PARD3B: variants seen among roughly 807,000 people sequenced by gnomAD.
PARD3B encodes partitioning defective 3 homolog B.
PARD3B carries 103 observed loss-of-function variants against 130.2 expected under a neutral mutation model. That is an observed-to-expected ratio of 0.79 (90% CI 0.67 to 0.93). The LOEUF is 0.93. Ranked by LOEUF, PARD3B falls within the 40% of genes least tolerant of loss-of-function variation. PARD3B has a pLI of 0.00. For synonymous variants in PARD3B, 583 were observed against 553.2 expected (o/e 1.05, Z -0.76); for missense variants, 1,609 against 1,499.2 (o/e 1.07, Z -1.21).
chr2:205,247,357 C>CTT (rs2039615365), intron 16 of PARD3B, among the ~76,000 whole-genome samples: 1 of 152,056 alleles, frequency 6.6e-6, no homozygotes, highest in Non-Finnish European at 1.5e-5. Context: ...AATGATCTGT[C>CTT]TTTACATAGT....
chr2:204,876,398 C>G (rs909284726), intron 2 of PARD3B, among the ~76,000 whole-genome samples: 92 of 152,154 alleles, frequency 6.0e-4, no homozygotes, highest in African/African-American at 2.1e-3. Context: ...AATTTTTCCA[C>G]TGTTCATCAT....
intron 4 of PARD3B, among the ~76,000 whole-genome samples, chr2:205,084,335 G>C (rs1240731997): frequency 1.3e-5 from 2 of 152,028 alleles, no homozygotes; most frequent in South Asian, 2.1e-4. Flanking sequence ...ATTTTCTGTA[G>C]TTAGATCTAG....
chr2:205,150,566 G>A (rs2033685381), intron 10 of PARD3B, among the ~76,000 whole-genome samples: 1 of 152,128 alleles, frequency 6.6e-6, no homozygotes, highest in Non-Finnish European at 1.5e-5. Context: ...GTTAACTACT[G>A]TAATGGTTTC....
chr2:204,595,397 A>G (rs1185288418), intron 1 of PARD3B, among the ~76,000 whole-genome samples: 3 of 152,220 alleles, frequency 2.0e-5, no homozygotes, highest in African/African-American at 4.8e-5. Context: ...GATGGGCACC[A>G]TAGGAAATAG....
At chr2:205,355,342 AT>A (rs2044153548) in intron 18 of PARD3B, among the ~76,000 whole-genome samples, 1 of 152,246 alleles carries the variant, frequency 6.6e-6, no homozygotes, top group Non-Finnish European at 1.5e-5. Context: ...GTTTTGAACC[AT>A]GATGCATTTG....
In PARD3B at chr2:205,288,937, G is replaced by A. The variant is rs1272983565; in HGVS notation, c.2186-11593G>A. On this transcript the variant is annotated intron_variant, in intron 16 of 22. Coordinates refer to ENST00000406610, the MANE Select transcript of PARD3B (RefSeq NM_001302769.2). The surrounding 1 kb of genome is among the most constrained non-coding windows in gnomAD (Gnocchi z 4.0). ...TGTCAGCATTCTTGGTACGTGGTTTGCAGAGATACCTGCTGGCCAGTGATC... is the reference window on the plus strand; with the variant it reads ...TGTCAGCATTCTTGGTACGTGGTTTACAGAGATACCTGCTGGCCAGTGATC... Among the ~76,000 whole-genome samples, 1 of 152,172 alleles carries A rather than the reference G, an allele frequency of 6.6e-6. No homozygotes were observed. The highest frequency in any genetic ancestry group is 2.4e-5 in the African/African-American group (1 of 41,424).
intron 3 of PARD3B, among the ~76,000 whole-genome samples, chr2:205,022,347 TTTC>T (rs1696680742): frequency 6.6e-6 from 1 of 152,216 alleles, no homozygotes; most frequent in African/African-American, 2.4e-5. Context: ...CCATTCAAAT[TTTC>T]TTACAAATGA....
intron 2 of PARD3B, among the ~76,000 whole-genome samples, chr2:204,783,671 C>T (rs192788780): frequency 5.0e-4 from 76 of 152,204 alleles, no homozygotes; most frequent in African/African-American, 1.4e-3. Flanking sequence ...CATTTAGGGA[C>T]AACCTACTTT....
intron 4 of PARD3B, among the ~76,000 whole-genome samples, chr2:205,062,047 A>G (rs1398739651): frequency 1.3e-5 from 2 of 151,906 alleles, no homozygotes; most frequent in Non-Finnish European, 1.5e-5. Context: ...ACGCTTCTCT[A>G]ATTTGCTAGT....
intron 5 of PARD3B, among the ~76,000 whole-genome samples, chr2:205,108,980 G>A (rs545645787): frequency 3.6e-4 from 55 of 151,656 alleles, no homozygotes; most frequent in Non-Finnish European, 6.9e-4. Flanking sequence ...TGCATTCACC[G>A]AGAATCTACT....
At chr2:205,009,332 C>T (rs1037801871) in intron 3 of PARD3B, among the ~76,000 whole-genome samples, 1 of 151,998 alleles carries the variant, frequency 6.6e-6, no homozygotes, top group Non-Finnish European at 1.5e-5. Context: ...AAAAACATAC[C>T]AAGAAAGTAT....
chr2:205,133,607 A>C (rs145763792), intron 10 of PARD3B, among the ~76,000 whole-genome samples: 222 of 152,350 alleles, frequency 1.5e-3, no homozygotes, highest in African/African-American at 5.2e-3. Flanking sequence ...TCAGTGATCA[A>C]ATTTTCAACT....
intron 2 of PARD3B, among the ~76,000 whole-genome samples, chr2:204,805,066 TGAAAA>T (rs2042716603): frequency 6.6e-6 from 1 of 151,250 alleles, no homozygotes; most frequent in South Asian, 2.1e-4. Context: ...ATAAATTAGA[TGAAAA>T]GAAATAATAA....
chr2:205,251,164 T>C (rs1476697220), intron 16 of PARD3B, among the ~76,000 whole-genome samples: 1 of 152,110 alleles, frequency 6.6e-6, no homozygotes, highest in Non-Finnish European at 1.5e-5. Context: ...AGGAACACAA[T>C]AGCTTTAATT....
In PARD3B at chr2:205,585,007, C is replaced by T. The variant is rs1409017454; in HGVS notation, c.3261-30449C>T. On this transcript the variant is annotated intron_variant, in intron 22 of 22. Coordinates refer to ENST00000406610, the MANE Select transcript of PARD3B (RefSeq NM_001302769.2). This position sits in a 1 kb window ranked among gnomAD's most constrained non-coding sequence, Gnocchi z 5.4. ...GTGTCTAATTGCGCCCACAAATGAC[C>T]GTTTGACAGGCACCACTCATTGTGC... Among the ~76,000 whole-genome samples the T allele has an allele frequency of 6.6e-6, 1 of 152,088 alleles. No individual in the cohort carries two copies. Among genetic ancestry groups the T allele is most frequent in the Non-Finnish European group, 1.5e-5 (1 of 68,014 alleles).
intron 2 of PARD3B, among the ~76,000 whole-genome samples, chr2:204,772,902 T>C (rs966551644): frequency 1.3e-5 from 2 of 152,024 alleles, no homozygotes; most frequent in Admixed American, 1.3e-4. Flanking sequence ...GAAATATAAT[T>C]TTAAAATTAA....
intron 21 of PARD3B, among the ~76,000 whole-genome samples, chr2:205,501,047 G>C (rs1023917151): frequency 1.3e-5 from 2 of 152,122 alleles, no homozygotes; most frequent in African/African-American, 4.8e-5. Flanking sequence ...AGGTCAGAGT[G>C]GGGAGAATAG....
chr2:204,833,607 TA>T (rs1249325052), intron 2 of PARD3B, among the ~76,000 whole-genome samples: 1 of 152,090 alleles, frequency 6.6e-6, no homozygotes, highest in African/African-American at 2.4e-5. Context: ...CTCCTGATAG[TA>T]AATAAGTCTC....
At chr2:204,660,530 T>C (rs2035771528) in intron 1 of PARD3B, among the ~76,000 whole-genome samples, 1 of 152,192 alleles carries the variant, frequency 6.6e-6, no homozygotes, top group South Asian at 2.1e-4. Context: ...TATACTGTTC[T>C]GTCAATACTG....
Sources: allele counts gnomAD v4.1 joint callset (sites outside exome capture counted in the v4.1 genomes callset), GRCh38; gene constraint gnomAD v4.1.1; non-coding constraint Gnocchi (gnomAD v3.1); transcripts MANE v1.5; gene names NCBI Gene and HGNC (gene_info 2026-07-23, HGNC 2026-07-21).